Variants in DLGAP2 observed in about 807,000 individuals in gnomAD.
DLGAP2 encodes DLG associated protein 2, also known as disks large-associated protein 2.
In DLGAP2, 26 loss-of-function variants were observed where a neutral mutation model predicts 100.3. The observed-to-expected ratio is 0.26, with a 90% CI of 0.19 to 0.36. The LOEUF is 0.36. Among genes scored for constraint, DLGAP2 ranks in the 10% least tolerant of loss-of-function variants. The probability of loss-of-function intolerance (pLI) is 1.00; values close to 1 mark genes in which losing one functional copy is unlikely to be tolerated. For missense variants in DLGAP2, 1,858 were observed against 1,453.2 expected (o/e 1.28, Z -4.53); for synonymous variants, 886 against 630.1 (o/e 1.41, Z -6.08).
intron 4 of DLGAP2, among the ~76,000 whole-genome samples, chr8:1,509,443 G>C (rs1055287325): frequency 2.0e-5 from 3 of 152,058 alleles, no homozygotes; most frequent in Non-Finnish European, 4.4e-5. Flanking sequence ...TGTGTGTTAG[G>C]TTCTGATGTA....
chr8:1,187,843 A>T (rs1797545030), intron 2 of DLGAP2, among the ~76,000 whole-genome samples: 1 of 115,356 alleles, frequency 8.7e-6, no homozygotes, highest in South Asian at 2.7e-4. Flanking sequence ...TCCCTCACGG[A>T]ATCTCACACA....
intron 3 of DLGAP2, among the ~76,000 whole-genome samples, chr8:1,334,604 G>A (rs960560663): frequency 1.3e-5 from 2 of 151,998 alleles, no homozygotes; most frequent in Non-Finnish European, 2.9e-5. Context: ...CCCCCCCAGT[G>A]GAGACATGCA....
chr8:1,440,355 T>C (rs1584906221), intron 3 of DLGAP2, among the ~76,000 whole-genome samples: 1 of 152,196 alleles, frequency 6.6e-6, no homozygotes, highest in Non-Finnish European at 1.5e-5. Flanking sequence ...ATTTTATACA[T>C]TGAATTTTGC....
chr8:741,860 G>C (rs1820495742), intron 1 of DLGAP2, among the ~76,000 whole-genome samples: 1 of 152,202 alleles, frequency 6.6e-6, no homozygotes. Context: ...GGAGAGGAAA[G>C]CTTTAGGAAA....
At chr8:1,543,196 T>C (rs1261110063) in intron 4 of DLGAP2, among the ~76,000 whole-genome samples, 1 of 152,238 alleles carries the variant, frequency 6.6e-6, no homozygotes, top group South Asian at 2.1e-4. Context: ...CATAAAACTT[T>C]TTAATTTTAG....
intron 2 of DLGAP2, among the ~76,000 whole-genome samples, chr8:1,211,694 G>C (rs1444274234): frequency 6.6e-6 from 1 of 152,114 alleles, no homozygotes; most frequent in Non-Finnish European, 1.5e-5. Flanking sequence ...TGACCAACAT[G>C]GAGAAACCCT....
At chr8:1,179,240 G>A (rs1030025395) in intron 2 of DLGAP2, among the ~76,000 whole-genome samples, 1 of 152,254 alleles carries the variant, frequency 6.6e-6, no homozygotes, top group African/African-American at 2.4e-5. Flanking sequence ...TGGGATGGCT[G>A]AGTATTTCAG....
intron 1 of DLGAP2, among the ~76,000 whole-genome samples, chr8:853,129 A>G (rs908396596): frequency 6.6e-6 from 1 of 152,242 alleles, no homozygotes; most frequent in African/African-American, 2.4e-5. Flanking sequence ...GGGGTCCCCA[A>G]GAGTACCCAC....
intron 3 of DLGAP2, among the ~76,000 whole-genome samples, chr8:1,308,841 A>T (rs1463774149): frequency 1.3e-5 from 2 of 152,212 alleles, no homozygotes; most frequent in African/African-American, 2.4e-5. Flanking sequence ...AATATTTTTT[A>T]AAATTTTCTT....
chr8:1,288,493 TG>T (rs1799989226), intron 3 of DLGAP2, among the ~76,000 whole-genome samples: 15 of 143,868 alleles, frequency 1.0e-4, no homozygotes, highest in African/African-American at 3.7e-4. Context: ...AGTGTGTGTG[TG>T]TGTGTGTGTG....
chr8:1,519,417 C>T (rs952256182), intron 4 of DLGAP2, among the ~76,000 whole-genome samples: 2 of 152,202 alleles, frequency 1.3e-5, no homozygotes, highest in African/African-American at 4.8e-5. Context: ...TAACCTGCTG[C>T]TGAAAGGGCC....
chr8:1,148,872 G>A (rs1331106892), intron 2 of DLGAP2, among the ~76,000 whole-genome samples: 3 of 152,222 alleles, frequency 2.0e-5, no homozygotes, highest in Non-Finnish European at 4.4e-5. Context: ...AATGTTTTGT[G>A]TGTACTTAAA....
At chr8:1,540,644 G>C (rs981077685) in intron 4 of DLGAP2, among the ~76,000 whole-genome samples, 1 of 152,228 alleles carries the variant, frequency 6.6e-6, no homozygotes, top group South Asian at 2.1e-4. Flanking sequence ...CCACTCCAGG[G>C]AGCTGCCGGG....
chr8:1,668,685 G>A lies in DLGAP2; in HGVS notation c.2160+7G>A, dbSNP rs774462546. 7 of 1,517,564 alleles carry A rather than the reference G, an allele frequency of 4.6e-6. No homozygotes were observed. The Admixed American group carries it at 1.3e-4, about 27-fold the overall frequency. The allele number at this position is 1,517,564 out of a possible 1,614,324, so 94.0% of individuals were successfully genotyped here. A position where few individuals can be genotyped will look rare whatever the true frequency, so the allele number is the denominator to read the frequency against. ...CTCCTCCATCGGGATTCAGGTAGCT[G>A]CTCTTGGCCGCCCGTCAGGGCCTCG... On this transcript the variant is annotated splice_region_variant and intron_variant, in intron 9 of 14. Transcript: ENST00000637795.
chr8:878,452 G>A (rs1797724734), intron 1 of DLGAP2, among the ~76,000 whole-genome samples: 1 of 152,174 alleles, frequency 6.6e-6, no homozygotes, highest in Non-Finnish European at 1.5e-5. Flanking sequence ...GATAAGTAGA[G>A]GTTGTGGGGA....
chr8:1,123,793 G>A (rs762592229), intron 2 of DLGAP2, among the ~76,000 whole-genome samples: 26 of 151,824 alleles, frequency 1.7e-4, no homozygotes, highest in Non-Finnish European at 3.7e-4. Context: ...TCAGCACTTT[G>A]TACATTTTTC....
At chr8:1,154,285 A>C (rs986337088) in intron 2 of DLGAP2, among the ~76,000 whole-genome samples, 1 of 152,160 alleles carries the variant, frequency 6.6e-6, no homozygotes, top group African/African-American at 2.4e-5. Flanking sequence ...GAGCTGAGTT[A>C]CTGACCTGGG....
intron 1 of DLGAP2, among the ~76,000 whole-genome samples, chr8:764,037 G>A (rs1365069771): frequency 1.3e-5 from 2 of 152,206 alleles, no homozygotes; most frequent in Admixed American, 1.3e-4. Flanking sequence ...AATAGGGTGT[G>A]TATGTCTTAA....
intron 6 of DLGAP2, among the ~76,000 whole-genome samples, chr8:1,584,063 C>A (rs1185030389): frequency 6.6e-6 from 1 of 152,060 alleles, no homozygotes; most frequent in South Asian, 2.1e-4. Flanking sequence ...GTTTGCTTTC[C>A]CGAGAGTCCC....
Sources: allele counts gnomAD v4.1 joint callset (sites outside exome capture counted in the v4.1 genomes callset), GRCh38; gene constraint gnomAD v4.1.1; transcripts MANE v1.5; gene names NCBI Gene and HGNC (gene_info 2026-07-23, HGNC 2026-07-21).